The following MFN1 variants were observed in gnomAD, a reference collection of about 807,000 sequenced individuals.
The protein encoded by MFN1 is mitofusin-1.
In MFN1, 65 loss-of-function variants were observed where a neutral mutation model predicts 92.4. The observed-to-expected ratio is 0.70, with a 90% confidence interval of 0.58 to 0.86. The LOEUF (loss-of-function observed/expected upper bound fraction) is 0.86, where lower values mean the gene tolerates loss of function less well. Ranked by LOEUF, MFN1 falls within the 40% of genes least tolerant of loss-of-function variation. MFN1 has a pLI of 0.00. For synonymous variants in MFN1, 297 were observed against 300.9 expected (o/e 0.99, Z 0.13); for missense variants, 781 against 868.0 (o/e 0.90, Z 1.26).
chr3:179,367,996 C>T lies in MFN1; in HGVS notation c.908-40C>T, dbSNP rs184287899. 1.5e-5 allele frequency: 20 copies of T among 1,355,510 alleles called. No individual in the cohort carries two copies. The East Asian group carries it at 5.4e-4, about 36-fold the overall frequency. 84.0% of individuals were successfully genotyped at this position (1,355,510 alleles called of 1,614,324 possible). Reference sequence around the variant, plus strand: ...GTAGCCTACCAGAAAACATATCTTGCTACATACTAGGTTTTTAAATCTTTG... The same window carrying T: ...GTAGCCTACCAGAAAACATATCTTGTTACATACTAGGTTTTTAAATCTTTG... On this transcript the variant is annotated intron_variant, in intron 8 of 17. Transcript: ENST00000471841.
chr3:179,378,132 G>A (rs112479789), intron 12 of MFN1: 93,523 of 530,472 alleles, frequency 0.18, 8,836 homozygotes, highest in Admixed American at 0.24. Context: ...TCTGAGGCAG[G>A]AGGATCGCGT....
At chr3:179,355,225 A>G (rs1712304411) in intron 3 of MFN1, among the ~76,000 whole-genome samples, 1 of 152,146 alleles carries the variant, frequency 6.6e-6, no homozygotes, top group Admixed American at 6.5e-5. Context: ...GGTCACTTTC[A>G]TCGCCATCTT....
rs1329586331 is a variant in MFN1, at chr3:179,377,407, G to C, written c.1288G>C (p.Glu430Gln). 1 of 1,608,480 alleles carries C rather than the reference G, an allele frequency of 6.2e-7. No individual in the cohort carries two copies. The highest frequency in any genetic ancestry group is 1.1e-5 in the South Asian group (1 of 89,972). Reference protein sequence around the residue: ...LSVLVDEFCSEFHPNPDVLKI... With the variant: ...LSVLVDEFCSQFHPNPDVLKI... ...TGTTTTGGTTGATGAATTTTGTTCA[G>C]AGTTTCATCCTAATCCAGATGTATT... The change falls in exon 12 of 18, where the codon GAG becomes CAG. Residue 430 changes from glutamate (E) to glutamine (Q), a missense_variant. Physicochemically the swap from Glu to Gln is conservative, Grantham distance 29 (BLOSUM62 2). Coordinates refer to ENST00000471841, the MANE Select transcript of MFN1 (RefSeq NM_033540.3).
At position 179,390,971 on chromosome 3, in the gene MFN1, C is replaced by G. The variant is rs190062770; in HGVS notation, c.2147+833C>G. On this transcript the variant is annotated intron_variant, in intron 17 of 17. Transcript: ENST00000471841. ...GACCAACAACACGTGTTCATTGTAC[C>G]TTAGTTTCAAAATCTCTGGAAAAGA... Among the ~76,000 whole-genome samples, 136 of 152,208 alleles carry G rather than the reference C, an allele frequency of 8.9e-4. 1 individual carries two copies. The highest frequency in any genetic ancestry group is 3.1e-3 in the African/African-American group (129 of 41,534).
rs75453422 is a variant in MFN1 at position 179,381,967 on chromosome 3, A to G, written c.1662+3153A>G. On this transcript the variant is annotated intron_variant, in intron 14 of 17. Transcript: ENST00000471841. ...AAGCTTATCCTAAAGCTTTCGTCCA[A>G]TACTGTTGCAGGTGGTGCTACATTC... Among the ~76,000 whole-genome samples, 751 of 152,340 alleles carry G rather than the reference A, an allele frequency of 4.9e-3. 3 individuals are homozygous for G. Among genetic ancestry groups the G allele is most frequent in the African/African-American group, 0.017 (713 of 41,582 alleles).
chr3:179,359,200 A>G (rs1712468261), intron 4 of MFN1, among the ~76,000 whole-genome samples, 198 bp downstream of exon 4: 1 of 151,842 alleles, frequency 6.6e-6, no homozygotes, highest in Admixed American at 6.6e-5. Context: ...GGCTCACCGC[A>G]ACCTCTGCCT....
chr3:179,362,753 A>C (rs1344089134), intron 5 of MFN1, among the ~76,000 whole-genome samples: 4 of 152,188 alleles, frequency 2.6e-5, no homozygotes, highest in Admixed American at 1.3e-4. Context: ...GGCTCACTGC[A>C]ACCTTCGCCT....
At chr3:179,362,687 T>C (rs1259036583) in intron 5 of MFN1, among the ~76,000 whole-genome samples, 2 of 152,190 alleles carry the variant, frequency 1.3e-5, no homozygotes, top group Non-Finnish European at 2.9e-5. Flanking sequence ...TTTCAAGAAA[T>C]TTTAAGGATG....
At chr3:179,371,355 G>GAAAAAA (rs397784660) in intron 9 of MFN1, among the ~76,000 whole-genome samples, 1 of 148,856 alleles carries the variant, frequency 6.7e-6, no homozygotes, top group African/African-American at 2.5e-5. Flanking sequence ...TCTCTAGCAG[G>GAAAAAA]AAAAAAAAAA....
At chr3:179,356,569 A>G (rs558544644) in intron 3 of MFN1, among the ~76,000 whole-genome samples, 2 of 152,186 alleles carry the variant, frequency 1.3e-5, no homozygotes, top group Non-Finnish European at 2.9e-5. Context: ...AAATCCCCAT[A>G]TATCTAGTTA....
intron 9 of MFN1, among the ~76,000 whole-genome samples, chr3:179,368,653 G>C (rs1712898641): frequency 6.6e-6 from 1 of 152,196 alleles, no homozygotes. Context: ...GAAACTTCTA[G>C]GAAACTATTG....
chr3:179,367,073 A>G (rs7611925), intron 7 of MFN1, among the ~76,000 whole-genome samples: 48,443 of 152,060 alleles, frequency 0.32, 10,294 homozygotes, highest in African/African-American at 0.61. Context: ...GATTACCGGC[A>G]CCTGCCACCA....
chr3:179,393,789 T>C lies in MFN1; in HGVS notation c.*1730T>C, dbSNP rs908015191. 1.3e-5 allele frequency: 2 copies of C among 152,214 alleles called. No individual in the cohort carries two copies. The highest frequency in any genetic ancestry group is 4.8e-5 in the African/African-American group (2 of 41,450). The allele number at this position is 152,214 out of a possible 1,614,324, so 9.4% of individuals were successfully genotyped here. A position where few individuals can be genotyped will look rare whatever the true frequency, so the allele number is the denominator to read the frequency against. Reference sequence around the variant, plus strand: ...GAAAGTACTTAAGCTTGAAAGTTCATAATAGTTTGGTATCACCTCATTAGT... The same window carrying C: ...GAAAGTACTTAAGCTTGAAAGTTCACAATAGTTTGGTATCACCTCATTAGT... On this transcript the variant is annotated 3_prime_UTR_variant, in exon 18 of 18. Transcript: ENST00000471841.
At chr3:179,364,434 G>T in intron 6 of MFN1, 29 bp downstream of exon 6, 1 of 1,475,366 alleles carries the variant, frequency 6.8e-7, no homozygotes, top group African/African-American at 1.4e-5. Flanking sequence ...ATTGTGTTTC[G>T]ATGGTAGGAA....
chr3:179,385,476 C>A, intron 14 of MFN1, 93 bp from the exon 15 acceptor site: 1 of 1,187,694 alleles, frequency 8.4e-7, no homozygotes, highest in East Asian at 2.5e-5. Context: ...ATTTTTCCCT[C>A]ATAGATGTGC....
intron 2 of MFN1, among the ~76,000 whole-genome samples, chr3:179,349,712 A>G (rs200639025): frequency 6.6e-6 from 1 of 151,696 alleles, no homozygotes; most frequent in African/African-American, 2.4e-5. Flanking sequence ...GTTTCACCAT[A>G]TTGGCCAGGC....
chr3:179,378,218 CAAAAA>C (rs35435588), intron 12 of MFN1, 118 bp from the exon 13 acceptor site: 10 of 620,552 alleles, frequency 1.6e-5, no homozygotes, highest in South Asian at 1.6e-4. Flanking sequence ...GACCCTGTCT[CAAAAA>C]AAAAAAAAAA....
At chr3:179,358,373 G>A (rs1486722280) in intron 3 of MFN1, among the ~76,000 whole-genome samples, 7 of 151,938 alleles carry the variant, frequency 4.6e-5, no homozygotes, top group African/African-American at 7.3e-5. Flanking sequence ...GGCTGGTCCC[G>A]AACTCCTGAC....
At position 179,378,814 on chromosome 3, in the gene MFN1, G is replaced by C. The variant is rs148310598; in HGVS notation, c.1662G>C (p.Gln554His). ...VLLGLSEPIF[Q>H]LPRSLASTPT... is the part of the protein sequence containing the mutation. ...TAGGATTATCAGAGCCTATCTTTCA[G>C]GTATGTATCTTTGAATCTACCAATT... Residue 554 changes from glutamine to histidine, a missense_variant and splice_region_variant, in exon 14 of 18, where the codon CAG becomes CAC. Gln to His is a conservative substitution (Grantham distance 24). Coordinates refer to ENST00000471841, the MANE Select transcript of MFN1 (RefSeq NM_033540.3). The C allele has an allele frequency of 3.9e-5, 63 of 1,602,090 alleles. No individual in the cohort carries two copies. Among genetic ancestry groups the C allele is most frequent in the Admixed American group, 6.7e-5 (4 of 59,598 alleles).
Sources: gnomAD v4.1 joint callset for allele counts (sites outside exome capture counted in the v4.1 genomes callset) on GRCh38, gnomAD v4.1.1 for gene constraint, MANE v1.5 for transcripts, NCBI Gene and HGNC (gene_info 2026-07-23, HGNC 2026-07-21) for gene names.